Variants in LRRTM3 observed in about 807,000 individuals in gnomAD.
The protein encoded by LRRTM3 is leucine rich repeat transmembrane neuronal 3, also known as leucine-rich repeat transmembrane neuronal protein 3.
In LRRTM3, 24 loss-of-function variants were observed where a neutral mutation model predicts 44.7. The ratio of observed to expected loss-of-function variants is 0.54; its 90% confidence interval spans 0.39 to 0.76. LRRTM3 has a LOEUF of 0.76. Among genes scored for constraint, LRRTM3 ranks in the 30% least tolerant of loss-of-function variants. The probability of loss-of-function intolerance (pLI) is 0.00; values close to 1 mark genes in which losing one functional copy is unlikely to be tolerated. For missense variants in LRRTM3, 587 were observed against 702.2 expected (o/e 0.84, Z 1.85); for synonymous variants, 277 against 278.7 (o/e 0.99, Z 0.06).
intron 2 of LRRTM3, among the ~76,000 whole-genome samples, chr10:67,077,336 T>C (rs188398864): frequency 1.3e-5 from 2 of 152,300 alleles, no homozygotes; most frequent in East Asian, 1.9e-4. Flanking sequence ...TATGATAAAG[T>C]CTAAATCCTT....
intron 2 of LRRTM3, among the ~76,000 whole-genome samples, chr10:66,959,159 C>T (rs1306395110): frequency 6.6e-6 from 1 of 152,182 alleles, no homozygotes; most frequent in Non-Finnish European, 1.5e-5. Context: ...AAGCTTACAG[C>T]AGAAGTTGGC....
At chr10:67,028,564 G>C (rs988585595) in intron 2 of LRRTM3, among the ~76,000 whole-genome samples, 3 of 150,492 alleles carry the variant, frequency 2.0e-5, no homozygotes, top group African/African-American at 7.3e-5. Flanking sequence ...ATAGAATGTA[G>C]TTATGTCAAA....
intron 2 of LRRTM3, among the ~76,000 whole-genome samples, chr10:67,000,582 A>G (rs895039992): frequency 2.0e-5 from 3 of 152,154 alleles, no homozygotes; most frequent in African/African-American, 7.2e-5. Flanking sequence ...CTGTATCTAT[A>G]AAGAAACCAT....
chr10:67,089,102 A>C (rs1398937911), intron 2 of LRRTM3, among the ~76,000 whole-genome samples: 1 of 152,016 alleles, frequency 6.6e-6, no homozygotes, highest in African/African-American at 2.4e-5. Context: ...TAAGGGACTT[A>C]CATAAACCTA....
chr10:66,956,417 C>T (rs1848795590), intron 2 of LRRTM3, among the ~76,000 whole-genome samples: 1 of 151,964 alleles, frequency 6.6e-6, no homozygotes, highest in East Asian at 1.9e-4. Flanking sequence ...CCCTGTAAAA[C>T]CAACTGATAT....
chr10:67,096,060 A>G (rs568510001), intron 2 of LRRTM3, among the ~76,000 whole-genome samples: 4 of 151,944 alleles, frequency 2.6e-5, no homozygotes, highest in Non-Finnish European at 5.9e-5. Flanking sequence ...AATCTTAAAA[A>G]TCCACATAAA....
chr10:66,942,930 C>A (rs553872677), intron 2 of LRRTM3, among the ~76,000 whole-genome samples: 4 of 152,246 alleles, frequency 2.6e-5, no homozygotes, highest in South Asian at 4.1e-4. Context: ...AGGAAGAATT[C>A]CAATGGGCAC....
chr10:67,044,782 C>G (rs555738194), intron 2 of LRRTM3, among the ~76,000 whole-genome samples: 1 of 152,238 alleles, frequency 6.6e-6, no homozygotes, highest in South Asian at 2.1e-4. Context: ...CAGCCTAGCA[C>G]AGTGGAAAGA....
At chr10:66,998,457 G>A (rs1851483734) in intron 2 of LRRTM3, among the ~76,000 whole-genome samples, 1 of 152,100 alleles carries the variant, frequency 6.6e-6, no homozygotes, top group Non-Finnish European at 1.5e-5. Context: ...AAATTTGCAA[G>A]TAAAGGACAG....
intron 2 of LRRTM3, among the ~76,000 whole-genome samples, chr10:66,938,247 T>C (rs1478708734): frequency 1.3e-5 from 2 of 152,140 alleles, no homozygotes; most frequent in African/African-American, 4.8e-5. Context: ...TCAAAAATTA[T>C]AGCTGACCAC....
intron 2 of LRRTM3, among the ~76,000 whole-genome samples, chr10:67,002,709 T>C (rs2132993247): frequency 6.6e-6 from 1 of 152,128 alleles, no homozygotes; most frequent in Admixed American, 6.6e-5. Context: ...CAGGCTAATA[T>C]AGTACTAAGT....
intron 2 of LRRTM3, among the ~76,000 whole-genome samples, chr10:66,999,734 T>C: frequency 6.6e-6 from 1 of 152,168 alleles, no homozygotes; most frequent in East Asian, 1.9e-4. Flanking sequence ...CAAAAAACAA[T>C]TGGCAATTTT....
At chr10:67,029,394 A>C (rs1028814541) in intron 2 of LRRTM3, among the ~76,000 whole-genome samples, 1 of 152,282 alleles carries the variant, frequency 6.6e-6, no homozygotes, top group Admixed American at 6.5e-5. Context: ...ATAAATGGGG[A>C]AGACCTATAA....
chr10:66,953,135 T>C (rs911478952), intron 2 of LRRTM3, among the ~76,000 whole-genome samples: 1 of 152,178 alleles, frequency 6.6e-6, no homozygotes, highest in Non-Finnish European at 1.5e-5. Context: ...GTTATCTTAA[T>C]CATAAACCTG....
At chr10:66,937,582 C>A (rs1189151336) in intron 2 of LRRTM3, among the ~76,000 whole-genome samples, 1 of 152,114 alleles carries the variant, frequency 6.6e-6, no homozygotes, top group Non-Finnish European at 1.5e-5. Context: ...TCCATAAGCT[C>A]AAGGGCATCT....
chr10:67,083,526 T>A (rs1457982623), intron 2 of LRRTM3, among the ~76,000 whole-genome samples: 1 of 152,232 alleles, frequency 6.6e-6, no homozygotes, highest in African/African-American at 2.4e-5. Flanking sequence ...TAACTACATT[T>A]GAGTTATATG....
chr10:66,948,630 T>C (rs1197313490), intron 2 of LRRTM3, among the ~76,000 whole-genome samples: 4 of 152,220 alleles, frequency 2.6e-5, no homozygotes, highest in Admixed American at 1.3e-4. Flanking sequence ...ATAAAATTTA[T>C]ATCTACAGGA....
Position 66,928,249 on chromosome 10 carries a change from T to C in LRRTM3, c.1333T>C (p.Tyr445His). 7.4e-6 allele frequency: 12 copies of C among 1,614,112 alleles called. No homozygotes were observed. Among genetic ancestry groups the C allele is most frequent in the Non-Finnish European group, 1.0e-5 (12 of 1,180,016 alleles). Residue 445 changes from tyrosine to histidine, a missense_variant, in exon 2 of 3, where the codon TAC (tyrosine) becomes CAC (histidine). This residue lies in a region of LRRTM3 where 315 missense variants were observed against 335.6 expected (regional missense o/e 0.94). Coordinates refer to ENST00000361320, the MANE Select transcript of LRRTM3 (RefSeq NM_178011.5). The stretch of plus-strand genomic sequence containing the variant: ...GGTTATCTACGTGTCATGGAAGCGG[T>C]ACCCTGCGAGCATGAAGCAGCTGCA... ...LLVIYVSWKR[Y>H]PASMKQLQQR...
Position 67,097,898 on chromosome 10 carries a change from C to A in LRRTM3, c.*102C>A. On this transcript the variant is annotated 3_prime_UTR_variant, in exon 3 of 3. Transcript: ENST00000361320. ...TGGACTCTAAAAACAAAACAAAACA[C>A]AAAATCCCCTGTTCAAATAAACAAA... The A allele has an allele frequency of 1.0e-6, 1 of 976,748 alleles. No homozygotes were observed. Among genetic ancestry groups the A allele is most frequent in the Non-Finnish European group, 1.5e-6 (1 of 646,012 alleles). 60.5% of individuals were successfully genotyped at this position (976,748 alleles called of 1,614,324 possible). A position where few individuals can be genotyped will look rare whatever the true frequency, so the allele number is the denominator to read the frequency against.
Sources: gnomAD v4.1 joint callset for allele counts (sites outside exome capture counted in the v4.1 genomes callset) on GRCh38, gnomAD v4.1.1 for gene constraint, gnomAD v4.1.1 regional missense constraint, MANE v1.5 for transcripts, NCBI Gene and HGNC (gene_info 2026-07-23, HGNC 2026-07-21) for gene names.